Variants in CNST observed in about 807,000 individuals in gnomAD.
CNST encodes consortin, connexin sorting protein, also known as consortin.
Under a neutral mutation model 72.4 loss-of-function variants are expected in CNST, and 39 were observed. That is an observed-to-expected ratio of 0.54 (90% CI 0.42 to 0.70). The LOEUF is 0.70. CNST is among the 30% of genes least tolerant of loss of function. The probability of loss-of-function intolerance (pLI) is 0.00; values close to 1 mark genes in which losing one functional copy is unlikely to be tolerated. For synonymous variants in CNST, 332 were observed against 320.1 expected (o/e 1.04, Z -0.40); for missense variants, 871 against 868.5 (o/e 1.00, Z -0.04).
At chr1:246,625,254 T>C (rs1664337538) in intron 3 of CNST, among the ~76,000 whole-genome samples, 1 of 152,180 alleles carries the variant, frequency 6.6e-6, no homozygotes, top group Non-Finnish European at 1.5e-5. Context: ...TGCATTCAAC[T>C]GTCAGTATTC....
rs1438400300 is a variant in CNST, at chr1:246,667,226, A to G, written c.*1321A>G. ...AGGATCATTTGAAAGAAAAAGGGAG[A>G]ACTTACTTTCTAGTTGTTACTGGCT... is the stretch of plus-strand genomic sequence containing the variant. On this transcript the variant is annotated 3_prime_UTR_variant, in exon 11 of 11. Coordinates refer to ENST00000366513, the MANE Select transcript of CNST (RefSeq NM_152609.3). The G allele has an allele frequency of 2.6e-5, 4 of 151,980 alleles. No homozygotes were observed. The highest frequency in any genetic ancestry group is 4.8e-5 in the African/African-American group (2 of 41,356). 9.4% of individuals were successfully genotyped at this position (151,980 alleles called of 1,614,324 possible). A position where few individuals can be genotyped will look rare whatever the true frequency, so the allele number is the denominator to read the frequency against.
intron 8 of CNST, among the ~76,000 whole-genome samples, chr1:246,644,651 C>T (rs1665933542): frequency 6.6e-6 from 1 of 152,186 alleles, no homozygotes; most frequent in South Asian, 2.1e-4. Flanking sequence ...TAGATAACTG[C>T]AGCCTTTAGG....
At chr1:246,648,775 G>A (rs1200697761) in intron 9 of CNST, among the ~76,000 whole-genome samples, 1 of 152,112 alleles carries the variant, frequency 6.6e-6, no homozygotes, top group Non-Finnish European at 1.5e-5. Context: ...CTGAAAATTA[G>A]GATACTAGCT....
intron 9 of CNST, among the ~76,000 whole-genome samples, chr1:246,654,248 C>G (rs964413702): frequency 2.0e-5 from 3 of 152,194 alleles, no homozygotes; most frequent in Non-Finnish European, 4.4e-5. Context: ...CCTTGCATGT[C>G]GTCACGTTTG....
intron 2 of CNST, among the ~76,000 whole-genome samples, chr1:246,592,943 T>C (rs891697420): frequency 6.6e-6 from 1 of 152,184 alleles, no homozygotes; most frequent in African/African-American, 2.4e-5. Context: ...CAGAAACATA[T>C]GGGACTAGAA....
At chr1:246,633,839 C>A (rs1032032223) in intron 4 of CNST, 85 bp from the exon 5 acceptor site, 2 of 820,368 alleles carry the variant, frequency 2.4e-6, no homozygotes, top group Non-Finnish European at 4.0e-6. Flanking sequence ...CTGCAAATTT[C>A]TCAACATCTA....
chr1:246,594,567 C>T (rs999340052), intron 2 of CNST, among the ~76,000 whole-genome samples: 7 of 152,010 alleles, frequency 4.6e-5, no homozygotes, highest in South Asian at 4.1e-4. Context: ...CTCAGGAGTT[C>T]GAGACCAGCC....
At chr1:246,568,025 G>T (rs776374910) in intron 1 of CNST, among the ~76,000 whole-genome samples, 3 of 152,106 alleles carry the variant, frequency 2.0e-5, no homozygotes, top group African/African-American at 4.8e-5. Flanking sequence ...TGGTGGCTGG[G>T]TATGGTAGTT....
chr1:246,593,429 TCTC>T (rs1383713197), intron 2 of CNST, among the ~76,000 whole-genome samples: 1 of 151,874 alleles, frequency 6.6e-6, no homozygotes, highest in Non-Finnish European at 1.5e-5. Context: ...TTCAAGCAAT[TCTC>T]CTTCCTCAGA....
rs145986309 is a variant in CNST at position 246,575,258 on chromosome 1, C to T, written c.-52+8595C>T. Among the ~76,000 whole-genome samples the T allele has an allele frequency of 4.4e-3, 675 of 152,106 alleles. 3 individuals carry two copies. Among genetic ancestry groups the T allele is most frequent in the African/African-American group, 0.016 (645 of 41,492 alleles). On this transcript the variant is annotated intron_variant, in intron 1 of 10. Coordinates refer to ENST00000366513, the MANE Select transcript of CNST (RefSeq NM_152609.3). ...CTTTTGTCAAGTGTTCAGACAAAAA[C>T]GTGCACAAATGTTTATAACAGCATT...
intron 2 of CNST, 142 bp from the exon 3 acceptor site, chr1:246,621,287 A>T (rs1172042269): frequency 5.8e-6 from 4 of 683,904 alleles, no homozygotes; most frequent in African/African-American, 1.8e-5. Flanking sequence ...TAGTGGTTTC[A>T]TATGATAAAC....
At position 246,591,543 on chromosome 1, in the gene CNST, G is replaced by A; in HGVS notation, c.-20G>A. ...AAGGTCTTTAATGTAACTTTAAATGGTTCACCAAAGGATGCTCTAATGGAT... is the reference window on the plus strand; with the variant it reads ...AAGGTCTTTAATGTAACTTTAAATGATTCACCAAAGGATGCTCTAATGGAT... On this transcript the variant is annotated 5_prime_UTR_variant, in exon 2 of 11. Coordinates refer to ENST00000366513, the MANE Select transcript of CNST (RefSeq NM_152609.3). 2 of 1,613,544 alleles carry A rather than the reference G, an allele frequency of 1.2e-6. No individual in the cohort carries two copies. The highest frequency in any genetic ancestry group is 1.7e-6 in the Non-Finnish European group (2 of 1,179,650).
intron 2 of CNST, chr1:246,605,992 C>T (rs943317611): frequency 2.0e-5 from 3 of 152,118 alleles, no homozygotes; most frequent in African/African-American, 7.2e-5. Context: ...GAGAATCTTT[C>T]ATTCCTGTCT....
At chr1:246,627,914 A>G (rs1211178679) in intron 3 of CNST, among the ~76,000 whole-genome samples, 4 of 151,326 alleles carry the variant, frequency 2.6e-5, no homozygotes, top group Admixed American at 6.6e-5. Flanking sequence ...TATATCCTAT[A>G]TATATTTATA....
intron 9 of CNST, among the ~76,000 whole-genome samples, chr1:246,659,587 T>C (rs1339851532): frequency 4.7e-5 from 7 of 148,206 alleles, no homozygotes; most frequent in South Asian, 4.2e-4. Context: ...AGAGCAAGAC[T>C]CTGTCTCAAA....
At chr1:246,587,542 GA>G (rs1447554430) in intron 1 of CNST, among the ~76,000 whole-genome samples, 2 of 152,180 alleles carry the variant, frequency 1.3e-5, no homozygotes, top group Non-Finnish European at 2.9e-5. Flanking sequence ...TGGCTTAAAA[GA>G]ATGATTGCAG....
intron 9 of CNST, among the ~76,000 whole-genome samples, chr1:246,650,232 C>G (rs1377816785): frequency 4.6e-5 from 7 of 152,160 alleles, no homozygotes; most frequent in Non-Finnish European, 8.8e-5. Context: ...TGGGTAACAG[C>G]TAACAGTGGA....
chr1:246,652,775 CG>C (rs11332083), intron 9 of CNST, among the ~76,000 whole-genome samples: 280 of 145,798 alleles, frequency 1.9e-3, no homozygotes, highest in Middle Eastern at 7.2e-3. Context: ...GAGGCCAAGG[CG>C]GGCGGATCAC....
intron 1 of CNST, among the ~76,000 whole-genome samples, chr1:246,576,868 T>C (rs918910375): frequency 2.6e-5 from 4 of 151,804 alleles, no homozygotes; most frequent in African/African-American, 9.7e-5. Flanking sequence ...TCCACCCACA[T>C]CCACAGTGCT....
Sources: allele counts gnomAD v4.1 joint callset (sites outside exome capture counted in the v4.1 genomes callset), GRCh38; gene constraint gnomAD v4.1.1; transcripts MANE v1.5; gene names NCBI Gene and HGNC (gene_info 2026-07-23, HGNC 2026-07-21).